Variants in DNAH5 observed in about 807,000 individuals in gnomAD.
The protein encoded by DNAH5 is dynein axonemal heavy chain 5.
DNAH5 carries 372 observed loss-of-function variants against 518.2 expected under a neutral mutation model. The ratio of observed to expected loss-of-function variants is 0.72; its 90% CI spans 0.66 to 0.78. The LOEUF is 0.78. Ranked by LOEUF, DNAH5 falls within the 30% of genes least tolerant of loss-of-function variation. The pLI is 0.00. For missense variants in DNAH5, 5,523 were observed against 5,687.0 expected (o/e 0.97, Z 0.93); for synonymous variants, 2,039 against 2,025.9 (o/e 1.01, Z -0.17).
chr5:13,839,842 C>A (rs1764923807), intron 34 of DNAH5, among the ~76,000 whole-genome samples: 1 of 152,170 alleles, frequency 6.6e-6, no homozygotes, highest in Non-Finnish European at 1.5e-5. Context: ...ATGCCATAGT[C>A]CTCACCATGA....
chr5:13,704,131 T>C (rs1227513628), intron 76 of DNAH5, among the ~76,000 whole-genome samples: 1 of 152,162 alleles, frequency 6.6e-6, no homozygotes, highest in Non-Finnish European at 1.5e-5. Context: ...TAACAGCAGC[T>C]CCTGAAGTAT....
At chr5:13,987,068 C>T (rs916785633) in intron 1 of DNAH5, among the ~76,000 whole-genome samples, 2 of 152,148 alleles carry the variant, frequency 1.3e-5, no homozygotes, top group African/African-American at 4.8e-5. Flanking sequence ...CTCGACTGCC[C>T]TGGTTTCATG....
At chr5:13,857,806 C>G (rs1767840205) in intron 30 of DNAH5, among the ~76,000 whole-genome samples, 2 of 152,126 alleles carry the variant, frequency 1.3e-5, no homozygotes, top group Non-Finnish European at 2.9e-5. Context: ...ACTGGCTAGC[C>G]ATATGCAGAA....
At chr5:13,851,303 T>A (rs906400226) in intron 30 of DNAH5, among the ~76,000 whole-genome samples, 3 of 152,070 alleles carry the variant, frequency 2.0e-5, no homozygotes, top group African/African-American at 7.2e-5. Flanking sequence ...AGGGCAGGAA[T>A]CATATAAATT....
chr5:13,911,100 G>A (rs550114173), intron 12 of DNAH5, among the ~76,000 whole-genome samples: 11 of 152,138 alleles, frequency 7.2e-5, no homozygotes, highest in East Asian at 1.9e-4. Flanking sequence ...CAATCGTGCC[G>A]CAATGTTCAA....
At chr5:13,758,577 T>C (rs1751333811) in intron 61 of DNAH5, among the ~76,000 whole-genome samples, 1 of 152,144 alleles carries the variant, frequency 6.6e-6, no homozygotes, top group South Asian at 2.1e-4. Context: ...TGGGAGGACA[T>C]GATTTGAAAA....
At chr5:13,974,227 C>T (rs1581084110) in intron 1 of DNAH5, among the ~76,000 whole-genome samples, 1 of 151,404 alleles carries the variant, frequency 6.6e-6, no homozygotes, top group African/African-American at 2.4e-5. Context: ...CCTCTGCCTC[C>T]CAGGCTCAAG....
At chr5:13,764,523 C>T (rs548474677) in intron 59 of DNAH5, among the ~76,000 whole-genome samples, 1 of 152,162 alleles carries the variant, frequency 6.6e-6, no homozygotes, top group Non-Finnish European at 1.5e-5. Context: ...AATAATAAGA[C>T]ACCACTACAA....
intron 9 of DNAH5, among the ~76,000 whole-genome samples, 172 bp from the exon 10 acceptor site, chr5:13,914,814 T>C (rs1269881006): frequency 2.0e-5 from 3 of 152,090 alleles, no homozygotes; most frequent in Admixed American, 1.3e-4. Flanking sequence ...TTTGATATTG[T>C]CAAAATCATT....
chr5:13,810,507 G>T (rs1224171271), intron 44 of DNAH5: 5 of 489,280 alleles, frequency 1.0e-5, no homozygotes, highest in Non-Finnish European at 1.8e-5. Context: ...TTGGGAGGCC[G>T]AGGCGGGCGG....
At chr5:14,000,026 T>C (rs921023883) in intron 1 of DNAH5, among the ~76,000 whole-genome samples, 18 of 152,222 alleles carry the variant, frequency 1.2e-4, no homozygotes, top group African/African-American at 4.1e-4. Flanking sequence ...CATAATACTG[T>C]TACGGGTTGA....
In DNAH5 at chr5:13,692,146, C is replaced by A. The variant is rs760823380; in HGVS notation, c.13724-11G>T. The A allele has an allele frequency of 4.2e-5, 68 of 1,613,752 alleles. No homozygotes were observed. Among genetic ancestry groups the A allele is most frequent in the Non-Finnish European group, 5.7e-5 (67 of 1,179,880 alleles). On this transcript the variant is annotated splice_polypyrimidine_tract_variant and intron_variant, in intron 78 of 78. Transcript: ENST00000265104. ...GAGGATCTCGTAAAGCTACAAAAAA[C>A]ATAAAAGAAAAGAACTTGGTGAAAT...
chr5:13,812,822 G>A (rs1162754388), intron 43 of DNAH5, among the ~76,000 whole-genome samples: 1 of 152,082 alleles, frequency 6.6e-6, no homozygotes, highest in Admixed American at 6.5e-5. Flanking sequence ...TTCTCTTAAG[G>A]TCAAGAGATC....
chr5:13,914,766 A>T, intron 9 of DNAH5, 124 bp from the exon 10 acceptor site: 1 of 982,292 alleles, frequency 1.0e-6, no homozygotes, highest in East Asian at 2.5e-5. Flanking sequence ...GCTTGGGTTT[A>T]TTTTTTTTCC....
At position 13,786,214 on chromosome 5, in the gene DNAH5, C is replaced by T; in HGVS notation, c.8785G>A (p.Val2929Met). Residue 2929 changes from valine to methionine, a missense_variant, in exon 52 of 79, where the codon GTG becomes ATG. Physicochemically the swap from Val to Met is conservative, Grantham distance 21. Transcript: ENST00000265104. ...ESIRGAGMDM[V>M]FFADAMVHLV... ...TGAACCATGGCATCTGCAAAGAACA[C>T]CATGTCCATGCCGGCGCCACGGATG... The T allele has an allele frequency of 6.2e-7, 1 of 1,614,058 alleles. No individual in the cohort carries two copies. Among genetic ancestry groups the T allele is most frequent in the Non-Finnish European group, 8.5e-7 (1 of 1,179,994 alleles).
chr5:13,815,296 G>C (rs905086739), intron 42 of DNAH5, among the ~76,000 whole-genome samples: 1 of 152,206 alleles, frequency 6.6e-6, no homozygotes, highest in East Asian at 1.9e-4. Context: ...AGAATGAAGT[G>C]ATGTAAAGAT....
At chr5:13,799,129 G>T (rs903984989) in intron 47 of DNAH5, among the ~76,000 whole-genome samples, 1 of 151,612 alleles carries the variant, frequency 6.6e-6, no homozygotes, top group African/African-American at 2.4e-5. Context: ...AATAGAATGA[G>T]ATATAAATAT....
intron 39 of DNAH5, among the ~76,000 whole-genome samples, chr5:13,823,776 C>T (rs1762537220): frequency 6.6e-6 from 1 of 152,066 alleles, no homozygotes; most frequent in South Asian, 2.1e-4. Context: ...CATTTTGTGA[C>T]CCTTTACATA....
At chr5:13,816,872 A>G (rs1761520697) in intron 42 of DNAH5, among the ~76,000 whole-genome samples, 1 of 152,168 alleles carries the variant, frequency 6.6e-6, no homozygotes, top group Non-Finnish European at 1.5e-5. Context: ...TCTCTCTGCA[A>G]TTGTATTCAC....
Sources: allele counts gnomAD v4.1 joint callset (sites outside exome capture counted in the v4.1 genomes callset), GRCh38; gene constraint gnomAD v4.1.1; transcripts MANE v1.5; gene names NCBI Gene and HGNC (gene_info 2026-07-23, HGNC 2026-07-21).